SEMA3A: variants seen among roughly 807,000 people sequenced by gnomAD.
SEMA3A encodes the protein semaphorin 3A.
Under a neutral mutation model 97.9 loss-of-function variants are expected in SEMA3A, and 29 were observed. The ratio of observed to expected loss-of-function variants is 0.30; its 90% confidence interval spans 0.22 to 0.40. SEMA3A has a LOEUF of 0.40. SEMA3A is among the 10% of genes least tolerant of loss of function. The pLI is 1.00. For missense variants in SEMA3A, 763 were observed against 951.3 expected, an observed-to-expected ratio of 0.80 and a Z score of 2.60; for synonymous variants, 321 against 323.7, an observed-to-expected ratio of 0.99 and a Z score of 0.09.
intron 2 of SEMA3A, among the ~76,000 whole-genome samples, chr7:84,313,017 A>ATATGTAGG (rs1171298804): frequency 6.3e-5 from 9 of 143,284 alleles, no homozygotes; most frequent in African/African-American, 2.3e-4. Flanking sequence ...TGTATATTAT[A>ATATGTAGG]TATGTAGGTA....
intron 3 of SEMA3A, among the ~76,000 whole-genome samples, chr7:84,250,254 A>T (rs1045049366): frequency 2.7e-5 from 4 of 148,538 alleles, no homozygotes; most frequent in Non-Finnish European, 4.5e-5. Context: ...TTACATTAAT[A>T]TTTTTTTTTT....
intron 3 of SEMA3A, among the ~76,000 whole-genome samples, chr7:84,208,743 C>T (rs993745091): frequency 6.6e-6 from 1 of 152,210 alleles, no homozygotes; most frequent in African/African-American, 2.4e-5. Flanking sequence ...GAACAGTTGG[C>T]TTTGACCCAT....
intron 3 of SEMA3A, among the ~76,000 whole-genome samples, chr7:84,233,417 AGTT>A (rs1799161797): frequency 6.6e-6 from 1 of 151,944 alleles, no homozygotes; most frequent in South Asian, 2.1e-4. Flanking sequence ...TACTTAATAA[AGTT>A]GTTGTGAGGA....
In SEMA3A at chr7:84,214,949, C is replaced by G. The variant is rs372881265; in HGVS notation, c.-82-20281G>C. ...CTCCTGACCTTAGATGATCCGCCCC[C>G]CCTTGGCCTCCCAAAGTGCTGGGAT... On this transcript the variant is annotated intron_variant, in intron 3 of 3. Transcript: ENST00000424555. 8.0e-5 allele frequency among the ~76,000 whole-genome samples: 12 copies of G among 150,864 alleles called. No homozygotes were observed. In the East Asian group the frequency reaches 2.2e-3, roughly 28 times the overall value.
At chr7:84,073,107 TTTTA>T (rs1793803772) in intron 4 of SEMA3A, among the ~76,000 whole-genome samples, 1 of 152,178 alleles carries the variant, frequency 6.6e-6, no homozygotes, top group Non-Finnish European at 1.5e-5. Flanking sequence ...ACTAAAACTA[TTTTA>T]TTTTAGAGTA....
At chr7:83,984,583 C>T (rs979995573) in intron 13 of SEMA3A, among the ~76,000 whole-genome samples, 1 of 147,542 alleles carries the variant, frequency 6.8e-6, no homozygotes, top group African/African-American at 2.5e-5. Context: ...GTGAGGCATA[C>T]CCTACTTCAT....
intron 3 of SEMA3A, among the ~76,000 whole-genome samples, chr7:84,265,810 GCAAA>G (rs1799982382): frequency 6.6e-6 from 1 of 151,830 alleles, no homozygotes. Flanking sequence ...CCTTCTGTGA[GCAAA>G]CAGTTTTGCT....
At chr7:84,140,445 G>C (rs1295867534) in intron 1 of SEMA3A, among the ~76,000 whole-genome samples, 1 of 151,972 alleles carries the variant, frequency 6.6e-6, no homozygotes, top group Non-Finnish European at 1.5e-5. Context: ...ATATTTCTCT[G>C]TCTCTCTTTT....
intron 15 of SEMA3A, among the ~76,000 whole-genome samples, chr7:83,971,665 A>G (rs1788919305): frequency 6.6e-6 from 1 of 152,274 alleles, no homozygotes; most frequent in Middle Eastern, 3.4e-3. Flanking sequence ...AAATGAATGC[A>G]TGAATGTGTA....
chr7:84,211,438 C>G (rs529940217), intron 3 of SEMA3A, among the ~76,000 whole-genome samples: 1 of 150,724 alleles, frequency 6.6e-6, no homozygotes, highest in Admixed American at 6.6e-5. Context: ...TGGTGAAACC[C>G]TGTCTCTACT....
intron 4 of SEMA3A, among the ~76,000 whole-genome samples, chr7:84,107,654 G>C (rs1541410): frequency 0.15 from 22,952 of 152,064 alleles, 2,201 homozygotes; most frequent in South Asian, 0.26. Flanking sequence ...AAATGGCCTG[G>C]CTCCAGAACC....
At chr7:84,266,431 C>A (rs1178583663) in intron 3 of SEMA3A, among the ~76,000 whole-genome samples, 1 of 151,012 alleles carries the variant, frequency 6.6e-6, no homozygotes, top group African/African-American at 2.4e-5. Flanking sequence ...AAGAGAGTGA[C>A]TGCAAATTGA....
At chr7:84,380,025 T>C (rs1803216437) in intron 1 of SEMA3A, among the ~76,000 whole-genome samples, 2 of 152,336 alleles carry the variant, frequency 1.3e-5, no homozygotes, top group South Asian at 2.1e-4. Context: ...GGAAATCTTA[T>C]TTCTATGAAC....
intron 3 of SEMA3A, among the ~76,000 whole-genome samples, chr7:84,270,530 A>G (rs946598556): frequency 6.7e-6 from 1 of 148,298 alleles, no homozygotes; most frequent in African/African-American, 2.4e-5. Context: ...ATGCATATAT[A>G]TGAATAATAT....
At chr7:84,087,914 T>C (rs935708574) in intron 4 of SEMA3A, among the ~76,000 whole-genome samples, 2 of 152,192 alleles carry the variant, frequency 1.3e-5, no homozygotes, top group Non-Finnish European at 2.9e-5. Context: ...TCTCATTTGC[T>C]GAAATGATCC....
chr7:84,073,870 A>C (rs1398801506), intron 4 of SEMA3A, among the ~76,000 whole-genome samples: 1 of 146,114 alleles, frequency 6.8e-6, no homozygotes, highest in Non-Finnish European at 1.5e-5. Flanking sequence ...AGCTAAAAAA[A>C]AAAAAAAAAA....
Position 84,131,880 on chromosome 7 carries a change from C to T in SEMA3A, c.271-2695G>A, listed in dbSNP as rs570922642. 9.2e-5 allele frequency among the ~76,000 whole-genome samples: 14 copies of T among 152,264 alleles called. No individual in the cohort carries two copies. In the South Asian group the frequency reaches 2.7e-3, roughly 29 times the overall value. Reference sequence around the variant, plus strand: ...TGATCACAGCTCACTGCAGGCTTGACCTCCAGGGCAATGATTGTCCTGCCG... The same window carrying T: ...TGATCACAGCTCACTGCAGGCTTGATCTCCAGGGCAATGATTGTCCTGCCG... On this transcript the variant is annotated intron_variant, in intron 2 of 16. Transcript: ENST00000265362.
chr7:84,465,251 G>C (rs1805959537), intron 1 of SEMA3A, among the ~76,000 whole-genome samples: 1 of 152,068 alleles, frequency 6.6e-6, no homozygotes, highest in African/African-American at 2.4e-5. Context: ...GGGAATAGCA[G>C]GATCTTCAAA....
intron 6 of SEMA3A, among the ~76,000 whole-genome samples, chr7:84,037,514 GATT>G (rs1346667150): frequency 6.6e-6 from 1 of 151,988 alleles, no homozygotes; most frequent in Non-Finnish European, 1.5e-5. Context: ...TATTTGTAGA[GATT>G]ATTATTTGGA....
Sources: allele counts gnomAD v4.1 joint callset (sites outside exome capture counted in the v4.1 genomes callset), GRCh38; gene constraint gnomAD v4.1.1; transcripts MANE v1.5; gene names NCBI Gene and HGNC (gene_info 2026-07-23, HGNC 2026-07-21).